DLGAP2: variants seen among roughly 807,000 people sequenced by gnomAD.
DLGAP2 encodes disks large-associated protein 2.
In DLGAP2, 26 loss-of-function variants were observed where a neutral mutation model predicts 100.3. The ratio of observed to expected loss-of-function variants is 0.26; its 90% CI spans 0.19 to 0.36. The LOEUF is 0.36. Among genes scored for constraint, DLGAP2 ranks in the 10% least tolerant of loss-of-function variants. The pLI is 1.00. For synonymous variants in DLGAP2, 886 were observed against 630.1 expected, an observed-to-expected ratio of 1.41 and a Z score of -6.08; for missense variants, 1,858 against 1,453.2, an observed-to-expected ratio of 1.28 and a Z score of -4.53.
At chr8:1,464,728 T>C (rs750400905) in intron 3 of DLGAP2, among the ~76,000 whole-genome samples, 4 of 152,184 alleles carry the variant, frequency 2.6e-5, no homozygotes, top group African/African-American at 7.2e-5. Flanking sequence ...GAAAGTGACC[T>C]TGGGGGCCAG....
Position 1,101,632 on chromosome 8 carries a change from A to G in DLGAP2, c.74-157219A>G, listed in dbSNP as rs555590526. ...GGAAGGTCCTCATCACCCCTGAGCC[A>G]AACATGACACGACGATGGGAAGGTC... On this transcript the variant is annotated intron_variant, in intron 2 of 14. Transcript: ENST00000637795. Among the ~76,000 whole-genome samples the G allele has an allele frequency of 1.3e-4, 19 of 149,514 alleles. No individual in the cohort carries two copies. In the East Asian group the frequency reaches 2.8e-3, roughly 22 times the overall value.
At chr8:1,098,139 C>A (rs1007064972) in intron 2 of DLGAP2, among the ~76,000 whole-genome samples, 3 of 152,278 alleles carry the variant, frequency 2.0e-5, no homozygotes, top group African/African-American at 7.2e-5. Context: ...GACACACGTC[C>A]CTCCCCAAGA....
intron 3 of DLGAP2, among the ~76,000 whole-genome samples, chr8:1,500,161 A>G (rs1799670278): frequency 6.6e-6 from 1 of 152,170 alleles, no homozygotes; most frequent in South Asian, 2.1e-4. Flanking sequence ...TCATTCTGAT[A>G]CCCCATAAAT....
At chr8:769,821 C>CA (rs1821310761) in intron 1 of DLGAP2, among the ~76,000 whole-genome samples, 1 of 152,164 alleles carries the variant, frequency 6.6e-6, no homozygotes, top group African/African-American at 2.4e-5. Context: ...TATGCATCCA[C>CA]AGGCCCCTAG....
chr8:851,770 G>A lies in DLGAP2; in HGVS notation c.19-56142G>A, dbSNP rs576508659. Among the ~76,000 whole-genome samples the A allele has an allele frequency of 5.3e-5, 8 of 152,280 alleles. No individual in the cohort carries two copies. The East Asian group carries it at 5.8e-4, about 11-fold the overall frequency. On this transcript the variant is annotated intron_variant, in intron 1 of 14. Coordinates refer to ENST00000637795, the MANE Select transcript of DLGAP2 (RefSeq NM_001346810.2). ...ACACGATTCACGGAGACCACGCCACGTGCCCCGCAGCCTGCTAGATGCCAG... is the reference window on the plus strand; with the variant it reads ...ACACGATTCACGGAGACCACGCCACATGCCCCGCAGCCTGCTAGATGCCAG...
At chr8:925,504 G>T (rs1584894034) in intron 2 of DLGAP2, among the ~76,000 whole-genome samples, 2 of 152,266 alleles carry the variant, frequency 1.3e-5, no homozygotes, top group South Asian at 4.1e-4. Flanking sequence ...CCATGACTTG[G>T]GGGGCAGCCT....
intron 2 of DLGAP2, among the ~76,000 whole-genome samples, chr8:1,135,457 T>A (rs187748221): frequency 6.6e-6 from 1 of 151,692 alleles, no homozygotes; most frequent in Non-Finnish European, 1.5e-5. Flanking sequence ...CAGAGATAGT[T>A]ACTTAGAGAT....
In DLGAP2 at chr8:1,156,720, T is replaced by G. The variant is rs188839835; in HGVS notation, c.74-102131T>G. On this transcript the variant is annotated intron_variant, in intron 2 of 14. Transcript: ENST00000637795. The stretch of plus-strand genomic sequence containing the variant: ...CAGCAACCCGGCTCAGCGACCCGGC[T>G]CAGCACCCCAACTCAGCACCCCCGT... Among the ~76,000 whole-genome samples the G allele has an allele frequency of 2.8e-3, 429 of 151,806 alleles. 1 individual carries two copies. The highest frequency in any genetic ancestry group is 9.3e-3 in the African/African-American group (386 of 41,382).
chr8:1,491,220 G>C lies in DLGAP2; in HGVS notation c.107-10146G>C, dbSNP rs1156940421. The stretch of plus-strand genomic sequence containing the variant: ...GAAATATGTGACAAAAATGCTCGCT[G>C]TTTCTCTGAAATTCACATGTAACTG... On this transcript the variant is annotated intron_variant, in intron 3 of 14. Coordinates refer to ENST00000637795, the MANE Select transcript of DLGAP2 (RefSeq NM_001346810.2). Among the ~76,000 whole-genome samples, 3 of 151,996 alleles carry C rather than the reference G, an allele frequency of 2.0e-5. No homozygotes were observed. The East Asian group carries it at 5.8e-4, about 29-fold the overall frequency.
At chr8:989,406 G>T (rs1216831649) in intron 2 of DLGAP2, among the ~76,000 whole-genome samples, 1 of 152,130 alleles carries the variant, frequency 6.6e-6, no homozygotes, top group Non-Finnish European at 1.5e-5. Context: ...GCTTGCACCT[G>T]AATCGGCCGC....
intron 3 of DLGAP2, among the ~76,000 whole-genome samples, chr8:1,290,496 C>T (rs1375183670): frequency 6.6e-6 from 1 of 152,146 alleles, no homozygotes; most frequent in Non-Finnish European, 1.5e-5. Flanking sequence ...TCATATAAGG[C>T]TCTAAACCCT....
intron 1 of DLGAP2, among the ~76,000 whole-genome samples, chr8:883,641 G>T (rs796209807): frequency 1.9e-4 from 28 of 151,164 alleles, no homozygotes; most frequent in African/African-American, 6.1e-4. Context: ...AGGAGCGCGG[G>T]TGCCGCGGCG....
At chr8:1,237,433 T>C (rs1798686581) in intron 2 of DLGAP2, among the ~76,000 whole-genome samples, 2 of 145,174 alleles carry the variant, frequency 1.4e-5, no homozygotes, top group African/African-American at 2.6e-5. Flanking sequence ...TGTCTAGTTC[T>C]CTCACATGGC....
intron 2 of DLGAP2, among the ~76,000 whole-genome samples, chr8:1,194,988 C>T (rs535415641): frequency 3.3e-5 from 5 of 152,372 alleles, no homozygotes; most frequent in South Asian, 4.1e-4. Context: ...TCCGCTCTCC[C>T]GGCCTTCATT....
chr8:1,333,823 C>T (rs1372717857), intron 3 of DLGAP2, among the ~76,000 whole-genome samples: 1 of 152,252 alleles, frequency 6.6e-6, no homozygotes, highest in East Asian at 1.9e-4. Flanking sequence ...CCGAACTTAT[C>T]TAGCAGAGCA....
rs539464381 is a variant in DLGAP2, at chr8:1,361,832, C to T, written c.106+102949C>T. Among the ~76,000 whole-genome samples the T allele has an allele frequency of 4.7e-4, 72 of 152,336 alleles. 1 individual carries two copies. Among genetic ancestry groups the T allele is most frequent in the African/African-American group, 1.6e-3 (68 of 41,578 alleles). ...TCAAATTCTAAGAGAAACGTGCTCG[C>T]GGCGTCTTCTAGTGCAGGCCTGAGC... is the stretch of plus-strand genomic sequence containing the variant. On this transcript the variant is annotated intron_variant, in intron 3 of 14. Transcript: ENST00000637795.
intron 3 of DLGAP2, among the ~76,000 whole-genome samples, chr8:1,425,104 A>G (rs1797202638): frequency 6.6e-6 from 1 of 152,240 alleles, no homozygotes; most frequent in South Asian, 2.1e-4. Flanking sequence ...TATTTTGCCA[A>G]CTAAGGTAGT....
chr8:1,604,900 G>C (rs80124343), intron 6 of DLGAP2, among the ~76,000 whole-genome samples: 2,784 of 152,324 alleles, frequency 0.018, 83 homozygotes, highest in African/African-American at 0.063. Flanking sequence ...CCAGCCGTTA[G>C]AATCGCTGAG....
intron 13 of DLGAP2, 70 bp from the exon 14 acceptor site, chr8:1,697,077 G>C: frequency 1.4e-6 from 2 of 1,410,276 alleles, no homozygotes; most frequent in Non-Finnish European, 1.9e-6. Context: ...TGCGTGGGGA[G>C]GAGTGGCCTC....
Sources: gnomAD v4.1 joint callset for allele counts (sites outside exome capture counted in the v4.1 genomes callset) on GRCh38, gnomAD v4.1.1 for gene constraint, MANE v1.5 for transcripts, NCBI Gene and HGNC (gene_info 2026-07-23, HGNC 2026-07-21) for gene names.